The following NHSL2 variants were observed in gnomAD, a reference collection of about 807,000 sequenced individuals.
The protein encoded by NHSL2 is NHS like 2.
A neutral mutation model predicts 53.4 loss-of-function variants in NHSL2; 27 were observed. That is an observed-to-expected ratio of 0.51 (90% CI 0.37 to 0.70). The LOEUF (loss-of-function observed/expected upper bound fraction) is 0.70, where lower values mean the gene tolerates loss of function less well. Among genes scored for constraint, NHSL2 ranks in the 30% least tolerant of loss-of-function variants. The probability of loss-of-function intolerance (pLI) is 0.00; values close to 1 mark genes in which losing one functional copy is unlikely to be tolerated. For synonymous variants in NHSL2, 408 were observed against 404.1 expected (o/e 1.01, Z -0.12); for missense variants, 892 against 980.1 (o/e 0.91, Z 1.20).
At chrX:72,089,854 G>A (rs2041881505) in intron 1 of NHSL2, among the ~76,000 whole-genome samples, 3 of 106,520 alleles carry the variant, frequency 2.8e-5, no homozygotes, top group African/African-American at 6.8e-5. Context: ...CTAACTTATT[G>A]TACAAAAAAA....
intron 1 of NHSL2, among the ~76,000 whole-genome samples, chrX:72,064,727 T>C (rs768344575): frequency 1.8e-5 from 2 of 112,468 alleles, no homozygotes; most frequent in Non-Finnish European, 3.8e-5. Flanking sequence ...GGCCTCAGAC[T>C]TCTCTGTCTC....
rs759834490 is a variant in NHSL2, at chrX:72,139,650, C to A, written c.2102C>A (p.Ser701Tyr). The part of the protein sequence containing the change: ...SIEVEAREIS[S>Y]PGRPPGLMSP... ...GAAGTGGAGGCCAGGGAGATATCAT[C>A]CCCGGGAAGGCCCCCTGGACTGATG... is the stretch of plus-strand genomic sequence containing the variant. Residue 701 changes from serine (S) to tyrosine (Y), a missense_variant, in exon 6 of 8, where the codon TCC becomes TAC. Physicochemically the swap from Ser to Tyr is moderately radical, Grantham distance 144. Coordinates refer to ENST00000633930, the MANE Select transcript of NHSL2 (RefSeq NM_001013627.3). 8.3e-7 allele frequency: 1 copy of A among 1,208,691 alleles called. No individual in the cohort carries two copies. The highest frequency in any genetic ancestry group is 1.1e-6 in the Non-Finnish European group (1 of 894,515).
At chrX:71,982,248 A>T (rs1240565352) in intron 1 of NHSL2, among the ~76,000 whole-genome samples, 1 of 112,475 alleles carries the variant, frequency 8.9e-6, no homozygotes, top group Non-Finnish European at 1.9e-5. Flanking sequence ...GTATGATTCC[A>T]TTTCTATAAA....
At chrX:72,084,906 C>T (rs937230315) in intron 1 of NHSL2, among the ~76,000 whole-genome samples, 1 of 111,833 alleles carries the variant, frequency 8.9e-6, no homozygotes, top group Non-Finnish European at 1.9e-5. Flanking sequence ...AAGGAGGTTA[C>T]AGAGGCAAAC....
intron 6 of NHSL2, among the ~76,000 whole-genome samples, chrX:72,141,859 C>T (rs920042479): frequency 1.8e-5 from 2 of 112,000 alleles, no homozygotes; most frequent in African/African-American, 6.5e-5. Flanking sequence ...ACTCCACAGG[C>T]TCCCCTCTGA....
At chrX:72,115,078 G>C (rs2042125120) in intron 1 of NHSL2, among the ~76,000 whole-genome samples, 1 of 111,502 alleles carries the variant, frequency 9.0e-6, no homozygotes, top group Admixed American at 9.5e-5. Context: ...TAAGTTCAGA[G>C]GGAACACACA....
intron 1 of NHSL2, among the ~76,000 whole-genome samples, chrX:71,913,925 A>G (rs2041616008): frequency 8.9e-6 from 1 of 112,904 alleles, no homozygotes; most frequent in African/African-American, 3.2e-5. Context: ...ATCATGGGTC[A>G]TGCCCCCACC....
At position 72,013,609 on chromosome X, in the gene NHSL2, G is replaced by T. The variant is rs1158304313; in HGVS notation, c.280+102242G>T. On this transcript the variant is annotated intron_variant, in intron 1 of 7. Transcript: ENST00000633930. ...GTTGAATTAAGGTGGTGAGAGCAGA[G>T]ATCCTTGCCTTGTTTCCAATCTGAG... 5.5e-5 allele frequency among the ~76,000 whole-genome samples: 6 copies of T among 108,372 alleles called. No individual in the cohort carries two copies. In the East Asian group the frequency reaches 1.7e-3, roughly 31 times the overall value. 94.1% of individuals were successfully genotyped at this position (108,372 alleles called of 115,157 possible). A position where few individuals can be genotyped will look rare whatever the true frequency, so the allele number is the denominator to read the frequency against.
chrX:72,082,429 G>A (rs1046520375), intron 1 of NHSL2, among the ~76,000 whole-genome samples: 1 of 111,944 alleles, frequency 8.9e-6, no homozygotes, highest in South Asian at 3.7e-4. Context: ...GGCAAATAAA[G>A]CACCAAGATT....
intron 1 of NHSL2, among the ~76,000 whole-genome samples, chrX:71,972,587 A>C (rs903600893): frequency 3.6e-5 from 4 of 111,987 alleles, no homozygotes; most frequent in African/African-American, 1.3e-4. Context: ...ACTGTGATAC[A>C]TCTGGGCGTG....
chrX:71,930,411 T>G (rs2041706962), intron 1 of NHSL2, among the ~76,000 whole-genome samples: 1 of 112,610 alleles, frequency 8.9e-6, no homozygotes, highest in Admixed American at 9.4e-5. Context: ...CACATACCAT[T>G]TAATTCCCCC....
chrX:72,110,157 CCAGCAGCAG>C (rs1205002971), intron 1 of NHSL2, among the ~76,000 whole-genome samples: 1 of 111,532 alleles, frequency 9.0e-6, no homozygotes, highest in Non-Finnish European at 1.9e-5. Flanking sequence ...GGTATGAAGA[CCAGCAGCAG>C]CAGCAGCATC....
chrX:71,971,167 C>CA (rs2041923382), intron 1 of NHSL2, among the ~76,000 whole-genome samples: 1 of 110,170 alleles, frequency 9.1e-6, no homozygotes, highest in South Asian at 3.8e-4. Flanking sequence ...TATTTTTTAA[C>CA]TTTTTAAAAA....
chrX:71,991,817 TTTCTCTC>T (rs2042028356), intron 1 of NHSL2, among the ~76,000 whole-genome samples: 1 of 60,841 alleles, frequency 1.6e-5, no homozygotes. Context: ...TGTCTTTCTC[TTTCTCTC>T]TCTCTCTCTC....
chrX:72,134,467 C>G (rs1022742355), intron 3 of NHSL2, 42 bp from the exon 4 acceptor site: 9 of 1,084,112 alleles, frequency 8.3e-6, no homozygotes, highest in African/African-American at 7.3e-5. Flanking sequence ...GGCTCATTGC[C>G]AGGCAGGAAT....
At chrX:71,938,859 T>C (rs185688174) in intron 1 of NHSL2, among the ~76,000 whole-genome samples, 1 of 112,638 alleles carries the variant, frequency 8.9e-6, no homozygotes, top group Admixed American at 9.4e-5. Context: ...CTCTGACCAC[T>C]GAGTGTATGG....
At chrX:71,981,474 T>C (rs7891162) in intron 1 of NHSL2, among the ~76,000 whole-genome samples, 113 of 105,883 alleles carry the variant, frequency 1.1e-3, no homozygotes, top group African/African-American at 3.8e-3. Context: ...TGAACCCAGG[T>C]TGCAGTGAGC....
At chrX:72,142,867 G>C (rs893939546) in intron 7 of NHSL2, among the ~76,000 whole-genome samples, 6 of 111,890 alleles carry the variant, frequency 5.4e-5, no homozygotes, top group African/African-American at 9.8e-5. Flanking sequence ...CAAGGCAGGG[G>C]TTCAGTGACA....
chrX:72,044,233 A>G (rs967105644), intron 1 of NHSL2, among the ~76,000 whole-genome samples: 5 of 112,239 alleles, frequency 4.5e-5, no homozygotes, highest in African/African-American at 1.6e-4. Flanking sequence ...GTTCAGGGCC[A>G]ATATGGCTAC....
Sources: allele counts gnomAD v4.1 joint callset (sites outside exome capture counted in the v4.1 genomes callset), GRCh38; gene constraint gnomAD v4.1.1; transcripts MANE v1.5; gene names NCBI Gene and HGNC (gene_info 2026-07-23, HGNC 2026-07-21).